Variants in PCK2 observed in about 807,000 individuals in gnomAD.
PCK2 encodes phosphoenolpyruvate carboxykinase 2, mitochondrial, also known as phosphoenolpyruvate carboxykinase [GTP], mitochondrial.
A neutral mutation model predicts 65.9 loss-of-function variants in PCK2; 56 were observed. The observed-to-expected ratio is 0.85, with a 90% CI of 0.69 to 1.06. The LOEUF is 1.06. Among genes scored for constraint, PCK2 ranks in the 50% least tolerant of loss-of-function variants. The pLI, the probability that PCK2 is intolerant of heterozygous loss-of-function variation, is 0.00. For synonymous variants in PCK2, 305 were observed against 319.6 expected, an observed-to-expected ratio of 0.95 and a Z score of 0.49; for missense variants, 843 against 863.1, an observed-to-expected ratio of 0.98 and a Z score of 0.29.
Position 24,094,958 on chromosome 14 carries a change from G to A in PCK2, c.29+524G>A. 1 of 875,278 alleles carries A rather than the reference G, an allele frequency of 1.1e-6. No homozygotes were observed. The highest frequency in any genetic ancestry group is 1.6e-6 in the Non-Finnish European group (1 of 622,646). The allele number at this position is 875,278 out of a possible 1,614,324, so 54.2% of individuals were successfully genotyped here. On this transcript the variant is annotated intron_variant, in intron 1 of 9. Coordinates refer to ENST00000216780, the MANE Select transcript of PCK2 (RefSeq NM_004563.4). The surrounding 1 kb of genome is among the most constrained non-coding windows in gnomAD (Gnocchi z 4.1). ...GGACTGGAACCTGGCGGGAAGTCCAGAGCAGCCCGAGGGACCTGGGCCCAG... is the reference window on the plus strand; with the variant it reads ...GGACTGGAACCTGGCGGGAAGTCCAAAGCAGCCCGAGGGACCTGGGCCCAG...
Position 24,102,809 on chromosome 14 carries a change from T to A in PCK2, c.1291T>A (p.Cys431Ser), listed in dbSNP as rs779493794. Residue 431 changes from cysteine to serine, a missense_variant, in exon 8 of 10, where the codon TGC becomes AGC. Physicochemically the swap from Cys to Ser is moderately radical, Grantham distance 112. Transcript: ENST00000216780. ...TCGATTTTGTGCCCCGGCTCGCCAG[T>A]GCCCCATCATGGACCCAGCCTGGGA... ...NSRFCAPARQ[C>S]PIMDPAWEAP... 4 of 1,613,792 alleles carry A rather than the reference T, an allele frequency of 2.5e-6. No individual in the cohort carries two copies. In the Admixed American group the frequency reaches 6.7e-5, roughly 27 times the overall value.
At chr14:24,103,286 G>C (rs2071586) in intron 9 of PCK2, 31 bp downstream of exon 9, 431,034 of 1,547,844 alleles carry the variant, frequency 0.28, 70,355 homozygotes, top group East Asian at 0.62. Context: ...TCCCTCTCCT[G>C]TGTGTGCACA....
chr14:24,094,909 T>G lies in PCK2; in HGVS notation c.29+475T>G. ...AAGAAGGTGGAAGGTTAAATATCCA[T>G]TCCCGGCCTCTCCCGGACTGGAAGG... On this transcript the variant is annotated intron_variant, in intron 1 of 9. Transcript: ENST00000216780. The surrounding 1 kb of genome is among the most constrained non-coding windows in gnomAD (Gnocchi z 4.1). The G allele has an allele frequency of 8.6e-6, 10 of 1,159,870 alleles. No homozygotes were observed. Among genetic ancestry groups the G allele is most frequent in the Admixed American group, 2.3e-5 (1 of 42,622 alleles). The allele number at this position is 1,159,870 out of a possible 1,614,324, so 71.8% of individuals were successfully genotyped here.
At position 24,100,107 on chromosome 14, in the gene PCK2, C is replaced by T. The variant is rs2037098268; in HGVS notation, c.1128C>T (p.Thr376=). 1.9e-6 allele frequency: 3 copies of T among 1,612,434 alleles called. No individual in the cohort carries two copies. Among genetic ancestry groups the T allele is most frequent in the Non-Finnish European group, 2.5e-6 (3 of 1,179,066 alleles). ...CAATCCAGAGTAACACTATTTTTAC[C>T]AATGTGGCTGAGACCAGTGATGGTG... The part of the protein sequence containing the change: ...MATIQSNTIF[T]NVAETSDGGV... The change falls in exon 7 of 10, where the codon ACC becomes ACT. Residue 376 remains threonine, a synonymous_variant. Transcript: ENST00000216780.
At chr14:24,100,520 G>C in intron 7 of PCK2, 1 of 904,482 alleles carries the variant, frequency 1.1e-6, no homozygotes, top group South Asian at 3.6e-5. Context: ...CATAAAAAGG[G>C]TTTATCACAC....
At chr14:24,096,462 C>A (rs149573999) in intron 1 of PCK2, among the ~76,000 whole-genome samples, 3 of 152,060 alleles carry the variant, frequency 2.0e-5, no homozygotes, top group Non-Finnish European at 4.4e-5. Context: ...GTCTTGATCT[C>A]CTGACCTCAT....
rs1026609301 is a variant in PCK2 at position 24,099,113 on chromosome 14, G to T, written c.729G>T (p.Gln243His). ...EKTLIGHVPD[Q>H]REIISFGSGY... ...CCCTGATTGGCCACGTGCCCGACCA[G>T]CGGGAGATCATCTCCTTCGGCAGCG... is the stretch of plus-strand genomic sequence containing the variant. Residue 243 changes from glutamine (Q) to histidine (H), a missense_variant, in exon 5 of 10, where the codon CAG becomes CAT. Transcript: ENST00000216780. 1.9e-6 allele frequency: 3 copies of T among 1,612,130 alleles called. No individual in the cohort carries two copies. The highest frequency in any genetic ancestry group is 2.5e-6 in the Non-Finnish European group (3 of 1,179,232).
intron 5 of PCK2, 104 bp downstream of exon 5, chr14:24,099,340 G>C: frequency 8.3e-7 from 1 of 1,203,932 alleles, no homozygotes; most frequent in South Asian, 1.5e-5. Flanking sequence ...TGCCAGGCTG[G>C]TGGGCGGGGA....
rs1397305418 is a variant in PCK2 at position 24,103,691 on chromosome 14, G to C, written c.1650G>C (p.Glu550Asp). The C allele has an allele frequency of 6.2e-7, 1 of 1,614,190 alleles. No individual in the cohort carries two copies. The highest frequency in any genetic ancestry group is 2.2e-5 in the East Asian group (1 of 44,880). The part of the protein sequence containing the change: ...AGHFLWPGFG[E>D]NARVLDWICR... ...ACTTCCTGTGGCCAGGCTTTGGGGA[G>C]AATGCTCGGGTGCTAGACTGGATCT... The change falls in exon 10 of 10, where the codon GAG becomes GAC. Residue 550 changes from glutamate (E) to aspartate (D), a missense_variant. Glu to Asp is a conservative substitution (Grantham distance 45). Coordinates refer to ENST00000216780, the MANE Select transcript of PCK2 (RefSeq NM_004563.4).
At chr14:24,098,052 C>A in intron 2 of PCK2, 151 bp from the exon 3 acceptor site, 1 of 670,278 alleles carries the variant, frequency 1.5e-6, no homozygotes, top group Non-Finnish European at 2.5e-6. Context: ...TTAGATGGGA[C>A]AAAGCCTGGA....
chr14:24,103,085 T>C, intron 8 of PCK2, 75 bp from the exon 9 acceptor site: 1 of 1,295,980 alleles, frequency 7.7e-7, no homozygotes, highest in Non-Finnish European at 1.1e-6. Context: ...AGAGTACCAG[T>C]CAAGCTCACC....
chr14:24,101,875 A>G (rs954314894), intron 7 of PCK2, among the ~76,000 whole-genome samples: 1 of 151,984 alleles, frequency 6.6e-6, no homozygotes, highest in African/African-American at 2.4e-5. Context: ...AGATCATGCC[A>G]CTGCACTCCA....
rs2037078387 is a variant in PCK2 at position 24,099,735 on chromosome 14, G to C, written c.1015+15G>C. 4 of 1,609,716 alleles carry C rather than the reference G, an allele frequency of 2.5e-6. No homozygotes were observed. Among genetic ancestry groups the C allele is most frequent in the Non-Finnish European group, 3.4e-6 (4 of 1,176,068 alleles). Reference sequence around the variant, plus strand: ...TGACAGTGAAGGTGAGGGACTCTCAGATCATACTCTTGGTTCTGGCTCTTG... The same window carrying C: ...TGACAGTGAAGGTGAGGGACTCTCACATCATACTCTTGGTTCTGGCTCTTG... On this transcript the variant is annotated intron_variant, in intron 6 of 9. Transcript: ENST00000216780.
intron 1 of PCK2, among the ~76,000 whole-genome samples, chr14:24,096,487 A>G (rs910981402): frequency 1.3e-5 from 2 of 152,050 alleles, no homozygotes; most frequent in Non-Finnish European, 2.9e-5. Context: ...CACCTGCCTC[A>G]GCCTCCCAAA....
Position 24,097,743 on chromosome 14 carries a change from G to T in PCK2, c.276-460G>T, listed in dbSNP as rs533868132. The stretch of plus-strand genomic sequence containing the variant: ...GGAGTAGCTGGGATTACAAGCATGC[G>T]CCACCACACCCAGCTGATTTTTGTA... On this transcript the variant is annotated intron_variant, in intron 2 of 9. Coordinates refer to ENST00000216780, the MANE Select transcript of PCK2 (RefSeq NM_004563.4). Among the ~76,000 whole-genome samples, 4 of 151,972 alleles carry T rather than the reference G, an allele frequency of 2.6e-5. No homozygotes were observed. In the East Asian group the frequency reaches 7.8e-4, roughly 30 times the overall value.
Position 24,100,217 on chromosome 14 carries a change from T to C in PCK2, c.1234+4T>C, listed in dbSNP as rs767512105. 6.2e-7 allele frequency: 1 copy of C among 1,614,140 alleles called. No individual in the cohort carries two copies. On this transcript the variant is annotated splice_donor_region_variant and intron_variant, in intron 7 of 9. Coordinates refer to ENST00000216780, the MANE Select transcript of PCK2 (RefSeq NM_004563.4). ...CTGGGCAAACCCTGGAAACCTGGTATGTGCGGTGGGGAAGGTGTGGCACAG... is the reference window on the plus strand; with the variant it reads ...CTGGGCAAACCCTGGAAACCTGGTACGTGCGGTGGGGAAGGTGTGGCACAG...
Position 24,103,959 on chromosome 14 carries a change from ATG to A in PCK2, c.1921_1922del (p.Ter641ThrfsTer2). The A allele has an allele frequency of 6.2e-7, 1 of 1,612,156 alleles. No individual in the cohort carries two copies. Among genetic ancestry groups the A allele is most frequent in the Non-Finnish European group, 8.5e-7 (1 of 1,178,454 alleles). On this transcript the variant is annotated frameshift_variant, in exon 10 of 10. Transcript: ENST00000216780. LOFTEE classifies it high-confidence loss of function. ...LEALERRVHK[M>X] ...GGCCCTGGAGAGACGTGTGCACAAAATGTGACCTGAGGCCCTAGTCTAGCAAG... is the reference window on the plus strand; with the variant it reads ...GGCCCTGGAGAGACGTGTGCACAAAATGACCTGAGGCCCTAGTCTAGCAAG...
Position 24,102,803 on chromosome 14 carries a change from C to T in PCK2, c.1285C>T (p.Arg429Cys), listed in dbSNP as rs559309673. 131 of 1,613,704 alleles carry T rather than the reference C, an allele frequency of 8.1e-5. 1 individual carries two copies. The South Asian group carries it at 1.3e-3, about 16-fold the overall frequency. The change falls in exon 8 of 10, where the codon CGC becomes TGC. Residue 429 changes from arginine (R) to cysteine (C), a missense_variant. Coordinates refer to ENST00000216780, the MANE Select transcript of PCK2 (RefSeq NM_004563.4). ...HPNSRFCAPA[R>C]QCPIMDPAWE... ...CAACTCTCGATTTTGTGCCCCGGCTCGCCAGTGCCCCATCATGGACCCAGC... is the reference window on the plus strand; with the variant it reads ...CAACTCTCGATTTTGTGCCCCGGCTTGCCAGTGCCCCATCATGGACCCAGC...
chr14:24,098,535 T>G lies in PCK2; in HGVS notation c.521T>G (p.Ile174Ser). The G allele has an allele frequency of 6.2e-7, 1 of 1,614,174 alleles. No homozygotes were observed. The highest frequency in any genetic ancestry group is 8.5e-7 in the Non-Finnish European group (1 of 1,179,996). The change falls in exon 4 of 10, where the codon ATC becomes AGC. Residue 174 changes from isoleucine (I) to serine (S), a missense_variant. Coordinates refer to ENST00000216780, the MANE Select transcript of PCK2 (RefSeq NM_004563.4). ...CCTGTGGGCTCCCCGCTGTCCCGCATCGGGGTGCAGCTCACTGACTCAGCC... is the reference window on the plus strand; with the variant it reads ...CCTGTGGGCTCCCCGCTGTCCCGCAGCGGGGTGCAGCTCACTGACTCAGCC... The part of the protein sequence containing the change: ...MGPVGSPLSR[I>S]GVQLTDSAYV...
Sources: gnomAD v4.1 joint callset for allele counts (sites outside exome capture counted in the v4.1 genomes callset) on GRCh38, gnomAD v4.1.1 for gene constraint, Gnocchi (gnomAD v3.1) non-coding constraint, MANE v1.5 for transcripts, NCBI Gene and HGNC (gene_info 2026-07-23, HGNC 2026-07-21) for gene names.